GALNT13: variants seen among roughly 807,000 people sequenced by gnomAD.
GALNT13 encodes polypeptide N-acetylgalactosaminyltransferase 13.
In GALNT13, 28 loss-of-function variants were observed where a neutral mutation model predicts 64.2. The observed-to-expected ratio is 0.44, with a 90% CI of 0.32 to 0.60. GALNT13 has a LOEUF of 0.60. Among genes scored for constraint, GALNT13 ranks in the 20% least tolerant of loss-of-function variants. The pLI, the probability that GALNT13 is intolerant of heterozygous loss-of-function variation, is 0.05. For synonymous variants in GALNT13, 214 were observed against 224.6 expected (o/e 0.95, Z 0.42); for missense variants, 577 against 669.8 (o/e 0.86, Z 1.53).
chr2:153,414,130 C>A, the GALNT13 span, among the ~76,000 whole-genome samples: 2 of 152,098 alleles, frequency 1.3e-5, no homozygotes, highest in Admixed American at 6.6e-5. Context: ...AATCCCAGCA[C>A]TTTGGGAGTC....
chr2:154,127,698 C>CCACA lies in GALNT13; in HGVS notation c.143-12631_143-12628dup, dbSNP rs1168177962. On this transcript the variant is annotated intron_variant, in intron 3 of 12. Coordinates refer to ENST00000392825, the MANE Select transcript of GALNT13 (RefSeq NM_052917.4). ...CATATAGTCATATATATATCCATAT[C>CCACA]CACACACACACGTGTGTGTGTGTGG... Among the ~76,000 whole-genome samples the CCACA allele has an allele frequency of 1.5e-3, 220 of 143,386 alleles. 7 individuals carry two copies. Among genetic ancestry groups the CCACA allele is most frequent in the Admixed American group, 0.013 (194 of 14,542 alleles). The allele number at this position is 143,386 out of a possible 152,430, so 94.1% of individuals were successfully genotyped here.
At chr2:153,931,323 G>C (rs1334593102) in intron 2 of GALNT13, among the ~76,000 whole-genome samples, 1 of 151,070 alleles carries the variant, frequency 6.6e-6, no homozygotes, top group African/African-American at 2.4e-5. Flanking sequence ...CTTTCTATTT[G>C]GATAGCTTTT....
intron 8 of GALNT13, among the ~76,000 whole-genome samples, chr2:154,293,489 T>C (rs1214921574): frequency 6.6e-6 from 1 of 152,174 alleles, no homozygotes; most frequent in Non-Finnish European, 1.5e-5. Context: ...TTAAATAATA[T>C]CCAAGTATCA....
the GALNT13 span, among the ~76,000 whole-genome samples, chr2:153,521,240 T>G: frequency 0.37 from 55,597 of 151,884 alleles, 11,144 homozygotes; most frequent in East Asian, 0.76. Context: ...TCTAATTAAT[T>G]TACACAGGAC....
chr2:154,160,082 A>T (rs1684644938), intron 4 of GALNT13, among the ~76,000 whole-genome samples: 1 of 152,104 alleles, frequency 6.6e-6, no homozygotes, highest in Non-Finnish European at 1.5e-5. Context: ...TTGTTGCCAG[A>T]CTTCTCTTCC....
the GALNT13 span, among the ~76,000 whole-genome samples, chr2:153,382,262 A>G: frequency 6.6e-6 from 1 of 152,054 alleles, no homozygotes; most frequent in Non-Finnish European, 1.5e-5. Context: ...GGTTTGCTAC[A>G]TGGGTATATT....
the GALNT13 span, among the ~76,000 whole-genome samples, chr2:153,115,927 A>T: frequency 6.6e-6 from 1 of 152,158 alleles, no homozygotes; most frequent in Non-Finnish European, 1.5e-5. Context: ...AATTTGTGTG[A>T]CACTTTTCCA....
chr2:153,446,332 A>G, the GALNT13 span, among the ~76,000 whole-genome samples: 16 of 152,244 alleles, frequency 1.1e-4, no homozygotes, highest in Non-Finnish European at 2.2e-4. Context: ...AAGGAAGTGT[A>G]TAGTAAGTAC....
chr2:153,630,902 C>T, the GALNT13 span, among the ~76,000 whole-genome samples: 6 of 145,680 alleles, frequency 4.1e-5, no homozygotes, highest in African/African-American at 7.6e-5. Flanking sequence ...TGCTGGTGTG[C>T]TGCACCCATT....
chr2:154,120,062 AG>A (rs1166914549), intron 3 of GALNT13, among the ~76,000 whole-genome samples: 1 of 151,404 alleles, frequency 6.6e-6, no homozygotes, highest in Admixed American at 6.6e-5. Flanking sequence ...TTTGTTTTTA[AG>A]GTTTTTTGTT....
the GALNT13 span, among the ~76,000 whole-genome samples, chr2:153,861,439 A>T: frequency 6.6e-6 from 1 of 152,122 alleles, no homozygotes; most frequent in East Asian, 1.9e-4. Flanking sequence ...CTTTGTGTAG[A>T]CTGGTGAATG....
At chr2:153,275,276 A>T in the GALNT13 span, among the ~76,000 whole-genome samples, 1 of 152,158 alleles carries the variant, frequency 6.6e-6, no homozygotes, top group East Asian at 1.9e-4. Flanking sequence ...AATTTTAACA[A>T]TATGTTTTAG....
chr2:154,194,630 A>G (rs954270903), intron 4 of GALNT13, among the ~76,000 whole-genome samples: 2 of 152,156 alleles, frequency 1.3e-5, no homozygotes, highest in African/African-American at 4.8e-5. Flanking sequence ...CAGTCAGGGT[A>G]AACTTTTTCA....
At chr2:153,248,612 G>C in the GALNT13 span, among the ~76,000 whole-genome samples, 1 of 151,704 alleles carries the variant, frequency 6.6e-6, no homozygotes, top group Non-Finnish European at 1.5e-5. Context: ...AGGAGATGGC[G>C]ACCATCCTGG....
the GALNT13 span, among the ~76,000 whole-genome samples, chr2:153,792,244 AT>A: frequency 6.6e-6 from 1 of 152,128 alleles, no homozygotes; most frequent in African/African-American, 2.4e-5. Flanking sequence ...GATTGAAAAT[AT>A]TTTTAAAAAA....
chr2:153,579,722 C>T, the GALNT13 span, among the ~76,000 whole-genome samples: 3 of 152,110 alleles, frequency 2.0e-5, no homozygotes, highest in Non-Finnish European at 4.4e-5. Flanking sequence ...GGTGTTACCG[C>T]CTGAGCTCCA....
At chr2:154,145,875 AT>A (rs1167910634) in intron 4 of GALNT13, among the ~76,000 whole-genome samples, 2 of 152,050 alleles carry the variant, frequency 1.3e-5, no homozygotes, top group East Asian at 3.8e-4. Flanking sequence ...TAAATGTAGC[AT>A]TGATTGCACA....
the GALNT13 span, among the ~76,000 whole-genome samples, chr2:153,256,513 A>G: frequency 6.6e-6 from 1 of 152,198 alleles, no homozygotes; most frequent in Non-Finnish European, 1.5e-5. Flanking sequence ...CTGGTGAGGA[A>G]CTGCGTTCCT....
At chr2:154,377,772 T>C (rs986032417) in intron 9 of GALNT13, among the ~76,000 whole-genome samples, 6 of 152,100 alleles carry the variant, frequency 3.9e-5, no homozygotes, top group African/African-American at 1.2e-4. Flanking sequence ...ACTTCCCTTC[T>C]AGTATGAAGA....
Sources: allele counts gnomAD v4.1 joint callset (sites outside exome capture counted in the v4.1 genomes callset), GRCh38; gene constraint gnomAD v4.1.1; transcripts MANE v1.5; gene names NCBI Gene and HGNC (gene_info 2026-07-23, HGNC 2026-07-21).